Variants in TOX2 observed in about 807,000 individuals in gnomAD.
TOX2 encodes the protein granulosa cell HMG box 1.
A neutral mutation model predicts 47.4 loss-of-function variants in TOX2; 15 were observed. That is an observed-to-expected ratio of 0.32 (90% CI 0.21 to 0.49). The LOEUF (loss-of-function observed/expected upper bound fraction) is 0.49, where lower values mean the gene tolerates loss of function less well. Ranked by LOEUF, TOX2 falls within the 20% of genes least tolerant of loss-of-function variation. The pLI, the probability that TOX2 is intolerant of heterozygous loss-of-function variation, is 0.99. For missense variants in TOX2, 622 were observed against 673.1 expected (o/e 0.92, Z 0.84); for synonymous variants, 290 against 296.6 (o/e 0.98, Z 0.23).
intron 3 of TOX2, among the ~76,000 whole-genome samples, chr20:44,037,811 A>C (rs1292108414): frequency 6.6e-6 from 1 of 152,216 alleles, no homozygotes; most frequent in Non-Finnish European, 1.5e-5. Flanking sequence ...GAACTGATAC[A>C]GAAAATTGGT....
intron 2 of TOX2, among the ~76,000 whole-genome samples, chr20:43,999,056 G>A (rs1043975623): frequency 2.0e-5 from 3 of 151,998 alleles, no homozygotes; most frequent in East Asian, 3.8e-4. Context: ...CACCATGCTC[G>A]GCTGGTGTCT....
At chr20:43,928,410 C>T (rs753313878) in intron 1 of TOX2, among the ~76,000 whole-genome samples, 3 of 152,222 alleles carry the variant, frequency 2.0e-5, no homozygotes, top group African/African-American at 4.8e-5. Flanking sequence ...AGGGCCTGGC[C>T]GCCCACTTGC....
intron 1 of TOX2, among the ~76,000 whole-genome samples, chr20:43,926,250 A>G (rs1473706989): frequency 6.6e-6 from 1 of 152,054 alleles, no homozygotes; most frequent in African/African-American, 2.4e-5. Context: ...TGTTTACATT[A>G]TTTAGGAAGG....
Position 44,053,500 on chromosome 20 carries a change from AC to A in TOX2, c.652-798del, listed in dbSNP as rs2071556940. 9.4e-5 allele frequency among the ~76,000 whole-genome samples: 14 copies of A among 148,736 alleles called. 1 individual carries two copies. The South Asian group carries it at 2.9e-3, about 31-fold the overall frequency. On this transcript the variant is annotated intron_variant, in intron 4 of 8. Transcript: ENST00000341197. Reference sequence around the variant, plus strand: ...TATATATACACACATATATATACAGACATATATATACTATATATACACATAT... The same window carrying A: ...TATATATACACACATATATATACAGAATATATATACTATATATACACATAT...
intron 3 of TOX2, among the ~76,000 whole-genome samples, chr20:44,020,564 A>T (rs893869986): frequency 5.3e-5 from 8 of 152,372 alleles, no homozygotes; most frequent in Admixed American, 4.6e-4. Flanking sequence ...CACTCCCAGC[A>T]GGGGATCCAG....
chr20:44,059,594 C>T (rs150372325), intron 5 of TOX2, among the ~76,000 whole-genome samples: 2 of 151,906 alleles, frequency 1.3e-5, no homozygotes, highest in African/African-American at 4.8e-5. Context: ...AGAAACCCTA[C>T]AAGCTAGAAG....
At chr20:43,920,535 T>C (rs1363377031) in intron 1 of TOX2, among the ~76,000 whole-genome samples, 1 of 152,082 alleles carries the variant, frequency 6.6e-6, no homozygotes, top group Non-Finnish European at 1.5e-5. Flanking sequence ...GCATCTCTGC[T>C]AGGAAGCTCT....
chr20:44,006,860 A>C, intron 3 of TOX2, 68 bp downstream of exon 3: 1 of 1,540,598 alleles, frequency 6.5e-7, no homozygotes, highest in South Asian at 1.2e-5. Context: ...GGGAAGCAGA[A>C]GAATGTTGAT....
intron 1 of TOX2, among the ~76,000 whole-genome samples, chr20:43,928,860 C>T (rs975191235): frequency 1.3e-5 from 2 of 151,626 alleles, no homozygotes; most frequent in Admixed American, 6.6e-5. Flanking sequence ...TGGGGCCGGG[C>T]GTGGTGGCTC....
chr20:44,066,714 C>T lies in TOX2; in HGVS notation c.1357-16C>T. 6.2e-7 allele frequency: 1 copy of T among 1,614,124 alleles called. No individual in the cohort carries two copies. Among genetic ancestry groups the T allele is most frequent in the Non-Finnish European group, 8.5e-7 (1 of 1,180,012 alleles). The stretch of plus-strand genomic sequence containing the variant: ...ATCTCTCCTTGGCTCATGGCCTCCT[C>T]CTTCCCACTCTGTAGGACTTCCCGC... On this transcript the variant is annotated splice_polypyrimidine_tract_variant and intron_variant, in intron 7 of 8. Coordinates refer to ENST00000341197, the MANE Select transcript of TOX2 (RefSeq NM_001098797.2).
rs1458156653 is a variant in TOX2 at position 44,068,822 on chromosome 20, G to A, written c.*136G>A. The A allele has an allele frequency of 2.5e-6, 3 of 1,213,638 alleles. No individual in the cohort carries two copies. Among genetic ancestry groups the A allele is most frequent in the Middle Eastern group, 3.7e-4 (2 of 5,376 alleles). 75.2% of individuals were successfully genotyped at this position (1,213,638 alleles called of 1,614,324 possible). ...GCAGTGACACACCCATTGCCCGGGG[G>A]CTGAGTCTCTTCCTCAACCTCCCAC... On this transcript the variant is annotated 3_prime_UTR_variant, in exon 9 of 9. Coordinates refer to ENST00000341197, the MANE Select transcript of TOX2 (RefSeq NM_001098797.2).
At chr20:44,066,175 A>T (rs1291278374) in intron 7 of TOX2, 68 bp downstream of exon 7, 2 of 1,444,050 alleles carry the variant, frequency 1.4e-6, no homozygotes. Flanking sequence ...TTGCCCTTTC[A>T]AACCCTGGCC....
At chr20:43,990,218 T>C (rs1195041618) in intron 2 of TOX2, among the ~76,000 whole-genome samples, 2 of 152,228 alleles carry the variant, frequency 1.3e-5, no homozygotes, top group Non-Finnish European at 2.9e-5. Context: ...GTTTCTGCTA[T>C]TTTTTGAAAA....
At chr20:43,959,301 C>A (rs1298328849) in intron 1 of TOX2, among the ~76,000 whole-genome samples, 1 of 152,232 alleles carries the variant, frequency 6.6e-6, no homozygotes, top group Non-Finnish European at 1.5e-5. Flanking sequence ...CAGAGCTGTG[C>A]TGCACCAGTG....
chr20:44,042,431 G>A (rs551941055), intron 3 of TOX2, among the ~76,000 whole-genome samples: 22 of 152,344 alleles, frequency 1.4e-4, no homozygotes, highest in African/African-American at 5.1e-4. Flanking sequence ...CCAAATAAGT[G>A]AAGATGATCA....
intron 1 of TOX2, among the ~76,000 whole-genome samples, chr20:43,924,269 G>A (rs1282057434): frequency 1.3e-5 from 2 of 152,234 alleles, no homozygotes; most frequent in Non-Finnish European, 2.9e-5. Flanking sequence ...GTCTCATGAA[G>A]TGAGAGAGAT....
chr20:44,050,139 C>T (rs2145747408), intron 3 of TOX2, among the ~76,000 whole-genome samples: 1 of 152,290 alleles, frequency 6.6e-6, no homozygotes, highest in Non-Finnish European at 1.5e-5. Context: ...AATTATTTCA[C>T]AGTGTATACA....
Position 44,026,250 on chromosome 20 carries a change from G to GACAC in TOX2, c.411+19470_411+19473dup, listed in dbSNP as rs1338053834. ...TGTGATATATATATATATATATATA[G>GACAC]ACACACACACACACAATGGAATACT... On this transcript the variant is annotated intron_variant, in intron 3 of 8. Transcript: ENST00000341197. 3.6e-5 allele frequency among the ~76,000 whole-genome samples: 3 copies of GACAC among 82,958 alleles called. 1 individual carries two copies. The East Asian group carries it at 1.2e-3, about 33-fold the overall frequency. 54.4% of individuals were successfully genotyped at this position (82,958 alleles called of 152,430 possible). A position where few individuals can be genotyped will look rare whatever the true frequency, so the allele number is the denominator to read the frequency against.
intron 1 of TOX2, among the ~76,000 whole-genome samples, chr20:43,925,103 A>G (rs2069150621): frequency 6.6e-6 from 1 of 152,088 alleles, no homozygotes; most frequent in South Asian, 2.1e-4. Context: ...TGAAGATGGT[A>G]ATTCGATTTT....
Sources: allele counts gnomAD v4.1 joint callset (sites outside exome capture counted in the v4.1 genomes callset), GRCh38; gene constraint gnomAD v4.1.1; transcripts MANE v1.5; gene names NCBI Gene and HGNC (gene_info 2026-07-23, HGNC 2026-07-21).